COL9A3: variants seen among roughly 807,000 people sequenced by gnomAD.
The protein encoded by COL9A3 is collagen alpha-3(IX) chain.
COL9A3 carries 82 observed loss-of-function variants against 110.2 expected under a neutral mutation model. The observed-to-expected ratio is 0.74, with a 90% CI of 0.62 to 0.89. COL9A3 has a LOEUF of 0.89. COL9A3 is among the 40% of genes least tolerant of loss of function. The pLI, the probability that COL9A3 is intolerant of heterozygous loss-of-function variation, is 0.00. For synonymous variants in COL9A3, 494 were observed against 403.8 expected (o/e 1.22, Z -2.68); for missense variants, 1,066 against 981.3 (o/e 1.09, Z -1.15).
At chr20:62,831,807 G>T (rs1163869343) in intron 24 of COL9A3, 3 of 385,984 alleles carry the variant, frequency 7.8e-6, no homozygotes, top group Non-Finnish European at 1.5e-5. Flanking sequence ...ATTTCACAAT[G>T]CCGGGGGAAG....
chr20:62,825,947 C>T, intron 13 of COL9A3, 77 bp downstream of exon 13: 3 of 1,454,950 alleles, frequency 2.1e-6, no homozygotes, highest in South Asian at 1.2e-5. Context: ...CATATCTACC[C>T]CCGAGGGGGC....
In COL9A3 at chr20:62,827,309, A is replaced by G. The variant is rs749604183; in HGVS notation, c.846+15A>G. ...AGGGTGACCTCGTAAGTGAGAGGGAAGTTGGTTCCCTGGGTCCTTATGTGG... is the reference window on the plus strand; with the variant it reads ...AGGGTGACCTCGTAAGTGAGAGGGAGGTTGGTTCCCTGGGTCCTTATGTGG... On this transcript the variant is annotated intron_variant, in intron 16 of 31. Coordinates refer to ENST00000649368, the MANE Select transcript of COL9A3 (RefSeq NM_001853.4). The G allele has an allele frequency of 1.2e-6, 2 of 1,612,620 alleles. No homozygotes were observed. The highest frequency in any genetic ancestry group is 8.5e-7 in the Non-Finnish European group (1 of 1,179,722).
intron 15 of COL9A3, among the ~76,000 whole-genome samples, 138 bp from the exon 16 acceptor site, chr20:62,827,088 TCCTGGAGGGCCCAGG>T (rs2063558970): frequency 6.6e-6 from 1 of 152,030 alleles, no homozygotes; most frequent in African/African-American, 2.4e-5. Context: ...CTCTGACCAC[TCCTGGAGGGCCCAGG>T]CCTGGAGGGG....
chr20:62,833,215 G>T, intron 26 of COL9A3, 151 bp downstream of exon 26: 2 of 721,854 alleles, frequency 2.8e-6, no homozygotes, highest in South Asian at 2.9e-5. Flanking sequence ...GAGCAGGGTC[G>T]GGCAGAGGCC....
intron 9 of COL9A3, 119 bp from the exon 10 acceptor site, chr20:62,822,472 C>T (rs2063519819): frequency 1.2e-5 from 14 of 1,138,950 alleles, no homozygotes; most frequent in Non-Finnish European, 1.8e-5. Context: ...GATGAAGGGT[C>T]TCCAAGTCCC....
intron 2 of COL9A3, 57 bp downstream of exon 2, chr20:62,817,692 A>C: frequency 1.7e-6 from 2 of 1,210,454 alleles, no homozygotes; most frequent in East Asian, 2.7e-5. Flanking sequence ...TCTGGCCCCC[A>C]CCTCCCTGAG....
chr20:62,836,114 G>A (rs762764149), intron 27 of COL9A3, 73 bp from the exon 28 acceptor site: 20 of 1,605,368 alleles, frequency 1.2e-5, no homozygotes, highest in Non-Finnish European at 1.6e-5. Flanking sequence ...CGTGCCGGCT[G>A]GGAAAGAGCA....
In COL9A3 at chr20:62,818,550, C is replaced by G. The variant is rs1991012260; in HGVS notation, c.180C>G (p.Pro60=). 1.9e-6 allele frequency: 3 copies of G among 1,612,892 alleles called. No homozygotes were observed. The highest frequency in any genetic ancestry group is 2.7e-5 in the African/African-American group (2 of 74,934). The part of the protein sequence containing the change: ...GEAGPPGLPG[P]PGPKGAPGKP... ...CTGGTCCTCCAGGTCTGCCTGGGCC[C>G]CCGGTGAGTGTCCCTGGCTGGGGAG... The change falls in exon 3 of 32, where the codon CCC becomes CCG. Residue 60 remains proline, a synonymous_variant. Coordinates refer to ENST00000649368, the MANE Select transcript of COL9A3 (RefSeq NM_001853.4).
At position 62,840,976 on chromosome 20, in the gene COL9A3, G is replaced by A; in HGVS notation, c.*244G>A. On this transcript the variant is annotated 3_prime_UTR_variant, in exon 32 of 32. Coordinates refer to ENST00000649368, the MANE Select transcript of COL9A3 (RefSeq NM_001853.4). ...CAGCATTTGAGAGAAGGTAGGGTGTGTATATATAAAAGGTTGTGTACAACT... is the reference window on the plus strand; with the variant it reads ...CAGCATTTGAGAGAAGGTAGGGTGTATATATATAAAAGGTTGTGTACAACT... 2 of 537,476 alleles carry A rather than the reference G, an allele frequency of 3.7e-6. No homozygotes were observed. Among genetic ancestry groups the A allele is most frequent in the Admixed American group, 3.2e-5 (1 of 31,380 alleles). 33.3% of individuals were successfully genotyped at this position (537,476 alleles called of 1,614,324 possible).
chr20:62,838,078 T>C (rs767742622), intron 30 of COL9A3, among the ~76,000 whole-genome samples: 2 of 152,220 alleles, frequency 1.3e-5, no homozygotes, highest in Non-Finnish European at 2.9e-5. Context: ...TTACAAAATA[T>C]TAATAAATAC....
At chr20:62,835,372 G>A (rs1458608658) in intron 26 of COL9A3, among the ~76,000 whole-genome samples, 1 of 152,236 alleles carries the variant, frequency 6.6e-6, no homozygotes, top group East Asian at 1.9e-4. Flanking sequence ...AGAGAAAGGG[G>A]CCCAACCCAT....
chr20:62,820,051 CTG>C, intron 5 of COL9A3, 69 bp downstream of exon 5: 2 of 1,549,854 alleles, frequency 1.3e-6, no homozygotes, highest in Admixed American at 3.3e-5. Context: ...TCTGGCTGCT[CTG>C]TGTCCACAAG....
At chr20:62,826,330 G>C (rs2063552145) in intron 14 of COL9A3, 73 bp downstream of exon 14, 5 of 1,370,428 alleles carry the variant, frequency 3.6e-6, no homozygotes, top group Non-Finnish European at 5.0e-6. Flanking sequence ...CCAGACTTCA[G>C]ATGGGCCCCG....
Position 62,822,108 on chromosome 20 carries a change from C to A in COL9A3, c.424-3C>A. 6.4e-7 allele frequency: 1 copy of A among 1,553,168 alleles called. No individual in the cohort carries two copies. Among genetic ancestry groups the A allele is most frequent in the Non-Finnish European group, 8.9e-7 (1 of 1,125,298 alleles). Reference sequence around the variant, plus strand: ...CTCTGTCTAAGTCATACCCCCTCCCCAGGGACCTTCTGGACTCCCCGGCCT... The same window carrying A: ...CTCTGTCTAAGTCATACCCCCTCCCAAGGGACCTTCTGGACTCCCCGGCCT... On this transcript the variant is annotated splice_region_variant and splice_polypyrimidine_tract_variant and intron_variant, in intron 8 of 31. Coordinates refer to ENST00000649368, the MANE Select transcript of COL9A3 (RefSeq NM_001853.4).
intron 26 of COL9A3, among the ~76,000 whole-genome samples, chr20:62,833,876 G>A (rs1319155912): frequency 8.2e-6 from 1 of 122,406 alleles, no homozygotes; most frequent in Non-Finnish European, 1.7e-5. Context: ...TGTGTTTTGG[G>A]GGGTTTTGTT....
rs866168485 is a variant in COL9A3 at position 62,827,183 on chromosome 20, A to G, written c.793-58A>G. 3.1e-6 allele frequency: 5 copies of G among 1,591,532 alleles called. No homozygotes were observed. The Middle Eastern group carries it at 5.3e-4, about 168-fold the overall frequency. ...CCGGGCCTGGAGGGGCCCCCGTCCT[A>G]CTCTCCGACCAACTCCATGGTGTTA... is the stretch of plus-strand genomic sequence containing the variant. On this transcript the variant is annotated intron_variant, in intron 15 of 31. Transcript: ENST00000649368.
At chr20:62,834,556 A>G (rs923934641) in intron 26 of COL9A3, among the ~76,000 whole-genome samples, 19 of 152,182 alleles carry the variant, frequency 1.2e-4, no homozygotes, top group African/African-American at 4.3e-4. Context: ...CAGGGACCCC[A>G]GTCTCTGGCA....
intron 30 of COL9A3, 105 bp from the exon 31 acceptor site, chr20:62,838,579 G>C (rs1646083037): frequency 1.9e-6 from 2 of 1,059,054 alleles, no homozygotes. Flanking sequence ...TTCCACTTCA[G>C]TGAAAAGCTG....
chr20:62,823,894 T>C (rs1179260312), intron 10 of COL9A3, among the ~76,000 whole-genome samples: 1 of 152,248 alleles, frequency 6.6e-6, no homozygotes, highest in African/African-American at 2.4e-5. Context: ...GGCTGCTCCA[T>C]GCAGCCCCTG....
Sources: gnomAD v4.1 joint callset for allele counts (sites outside exome capture counted in the v4.1 genomes callset) on GRCh38, gnomAD v4.1.1 for gene constraint, MANE v1.5 for transcripts, NCBI Gene and HGNC (gene_info 2026-07-23, HGNC 2026-07-21) for gene names.